Variants in KIF1B observed in about 807,000 individuals in gnomAD.
KIF1B encodes kinesin family member 1B, also known as kinesin-like protein KIF1B.
A neutral mutation model predicts 241.9 loss-of-function variants in KIF1B; 76 were observed. The ratio of observed to expected loss-of-function variants is 0.31; its 90% confidence interval spans 0.26 to 0.38. The LOEUF (loss-of-function observed/expected upper bound fraction) is 0.38. Among genes scored for constraint, KIF1B ranks in the 10% least tolerant of loss-of-function variants. KIF1B has a pLI of 1.00. For missense variants in KIF1B, 1,622 were observed against 2,271.4 expected, an observed-to-expected ratio of 0.71 and a Z score of 5.81; for synonymous variants, 750 against 796.7, an observed-to-expected ratio of 0.94 and a Z score of 0.99.
intron 48 of KIF1B, among the ~76,000 whole-genome samples, chr1:10,375,879 C>G (rs1638873803): frequency 6.8e-6 from 1 of 148,142 alleles, no homozygotes; most frequent in Non-Finnish European, 1.5e-5. Context: ...TCACCGCAAC[C>G]TCCACCTCCC....
At chr1:10,276,170 T>A in intron 11 of KIF1B, 151 bp from the exon 12 acceptor site, 1 of 655,692 alleles carries the variant, frequency 1.5e-6, no homozygotes, top group Non-Finnish European at 2.7e-6. Context: ...GGTGAAAGAG[T>A]GAGACTCCCT....
Position 10,321,840 on chromosome 1 carries a change from G to A in KIF1B, c.2341G>A (p.Val781Met), listed in dbSNP as rs1396889733. The A allele has an allele frequency of 1.2e-6, 2 of 1,614,042 alleles. No homozygotes were observed. The highest frequency in any genetic ancestry group is 1.3e-5 in the African/African-American group (1 of 74,920). ...CCTAAAGGAGGCCAATGCCATCAGTGTGGAACTGAAAAAGAAGGTATGGAG... is the reference window on the plus strand; with the variant it reads ...CCTAAAGGAGGCCAATGCCATCAGTATGGAACTGAAAAAGAAGGTATGGAG... The part of the protein sequence containing the change: ...VYLKEANAIS[V>M]ELKKKVQFQF... The change falls in exon 24 of 49, where the codon GTG becomes ATG. Residue 781 changes from valine (V) to methionine (M), a missense_variant. Transcript: ENST00000676179.
chr1:10,289,779 G>C (rs1649896492), intron 15 of KIF1B, among the ~76,000 whole-genome samples: 1 of 152,146 alleles, frequency 6.6e-6, no homozygotes, highest in Admixed American at 6.5e-5. Context: ...AGCTACTCAG[G>C]AGGCTGGGAC....
At chr1:10,248,343 G>A (rs1009897659) in intron 2 of KIF1B, among the ~76,000 whole-genome samples, 1 of 151,998 alleles carries the variant, frequency 6.6e-6, no homozygotes, top group Non-Finnish European at 1.5e-5. Flanking sequence ...GGGACTACAG[G>A]CGCACGCTAC....
intron 33 of KIF1B, among the ~76,000 whole-genome samples, chr1:10,342,833 T>C (rs997721822): frequency 2.0e-5 from 3 of 152,228 alleles, no homozygotes; most frequent in Non-Finnish European, 4.4e-5. Flanking sequence ...AAAGTTTTTT[T>C]TCTTTTAAAT....
At position 10,259,492 on chromosome 1, in the gene KIF1B, A is replaced by T. The variant is rs941347736; in HGVS notation, c.363+820A>T. 8.3e-4 allele frequency among the ~76,000 whole-genome samples: 69 copies of T among 82,828 alleles called. 2 individuals carry two copies. The highest frequency in any genetic ancestry group is 6.4e-3 in the East Asian group (19 of 2,980). The allele number at this position is 82,828 out of a possible 152,430, so 54.3% of individuals were successfully genotyped here. On this transcript the variant is annotated intron_variant, in intron 4 of 48. Coordinates refer to ENST00000676179, the MANE Select transcript of KIF1B (RefSeq NM_001365951.3). Reference sequence around the variant, plus strand: ...ACCACACCTAGCTCATTTTTAAATTAAAAAAAAAAAAAATTTTTTTTTTTT... The same window carrying T: ...ACCACACCTAGCTCATTTTTAAATTTAAAAAAAAAAAAATTTTTTTTTTTT...
chr1:10,354,335 T>C (rs1469324591), intron 38 of KIF1B, among the ~76,000 whole-genome samples: 3 of 152,252 alleles, frequency 2.0e-5, no homozygotes, highest in African/African-American at 7.2e-5. Context: ...GGAGTTCTGA[T>C]TGTCTTTCTT....
chr1:10,303,127 AT>A lies in KIF1B; in HGVS notation c.2115+5885del, dbSNP rs1157049475. ...CCTTTTTTACATTTTAATTTTGGTT[AT>A]TTTGGGGCCATTTTTTGATTTTGTT... On this transcript the variant is annotated intron_variant, in intron 22 of 48. Transcript: ENST00000676179. The surrounding 1 kb of genome is among the most constrained non-coding windows in gnomAD (Gnocchi z 5.2). The A allele has an allele frequency of 6.3e-7, 1 of 1,592,332 alleles. No individual in the cohort carries two copies.
intron 31 of KIF1B, among the ~76,000 whole-genome samples, chr1:10,338,782 C>T (rs1213081930): frequency 6.6e-6 from 1 of 152,224 alleles, no homozygotes; most frequent in East Asian, 1.9e-4. Context: ...GGCTGCAGAG[C>T]ACTGTGAATG....
intron 22 of KIF1B, among the ~76,000 whole-genome samples, chr1:10,313,532 T>G (rs1325960126): frequency 1.3e-5 from 2 of 150,732 alleles, no homozygotes; most frequent in African/African-American, 5.0e-5. Context: ...ATGGGGCATA[T>G]TTTGAACTAG....
intron 32 of KIF1B, among the ~76,000 whole-genome samples, chr1:10,340,065 G>A (rs981222682): frequency 6.6e-6 from 1 of 152,162 alleles, no homozygotes; most frequent in African/African-American, 2.4e-5. Flanking sequence ...CCTAGTGAAT[G>A]TGGGTTCGTC....
chr1:10,286,907 C>T (rs74914120), intron 15 of KIF1B, among the ~76,000 whole-genome samples: 2,853 of 151,970 alleles, frequency 0.019, 40 homozygotes, highest in Non-Finnish European at 0.028. Flanking sequence ...CATTTCTGAA[C>T]CATGAATCCA....
intron 27 of KIF1B, among the ~76,000 whole-genome samples, chr1:10,331,167 A>G (rs1258427685): frequency 6.6e-6 from 1 of 152,038 alleles, no homozygotes; most frequent in Non-Finnish European, 1.5e-5. Context: ...GGCAGGGGAC[A>G]TGTGCGATGG....
Position 10,381,514 on chromosome 1 carries a change from G to C in KIF1B, c.*4927G>C. On this transcript the variant is annotated 3_prime_UTR_variant, in exon 49 of 49. Transcript: ENST00000676179. ...TGTATAGCCTTAGATGTGCAATGCA[G>C]ACACTATCTAACTGTGTGTGGTAAC... is the stretch of plus-strand genomic sequence containing the variant. 4.9e-6 allele frequency: 1 copy of C among 202,156 alleles called. No homozygotes were observed. The highest frequency in any genetic ancestry group is 6.0e-5 in the Admixed American group (1 of 16,678). 12.5% of individuals were successfully genotyped at this position (202,156 alleles called of 1,614,324 possible). A position where few individuals can be genotyped will look rare whatever the true frequency, so the allele number is the denominator to read the frequency against.
intron 45 of KIF1B, among the ~76,000 whole-genome samples, chr1:10,373,529 C>G (rs1011690787): frequency 2.6e-5 from 4 of 151,532 alleles, no homozygotes; most frequent in Non-Finnish European, 5.9e-5. Flanking sequence ...GCCACTGCAC[C>G]TGGCTAACTT....
At chr1:10,220,566 A>G (rs1467754675) in intron 1 of KIF1B, among the ~76,000 whole-genome samples, 1 of 152,160 alleles carries the variant, frequency 6.6e-6, no homozygotes, top group Non-Finnish European at 1.5e-5. Flanking sequence ...GCTACTCCTG[A>G]GGCTGAGGTA....
intron 27 of KIF1B, among the ~76,000 whole-genome samples, chr1:10,329,423 T>C (rs901085067): frequency 2.0e-5 from 3 of 152,206 alleles, no homozygotes; most frequent in African/African-American, 7.2e-5. Flanking sequence ...TAATTGCCAA[T>C]ATAAATCACT....
chr1:10,258,707 A>G, intron 4 of KIF1B, 35 bp downstream of exon 4: 3 of 1,600,454 alleles, frequency 1.9e-6, no homozygotes, highest in Non-Finnish European at 1.7e-6. Flanking sequence ...TCTTCTCTTC[A>G]TTATTAGTGT....
intron 22 of KIF1B, chr1:10,307,069 C>T: frequency 9.6e-7 from 1 of 1,038,620 alleles, no homozygotes; most frequent in Non-Finnish European, 1.2e-6. Context: ...TCCCAGGTGT[C>T]CTCATGTTGC....
Sources: gnomAD v4.1 joint callset for allele counts (sites outside exome capture counted in the v4.1 genomes callset) on GRCh38, gnomAD v4.1.1 for gene constraint, Gnocchi (gnomAD v3.1) non-coding constraint, MANE v1.5 for transcripts, NCBI Gene and HGNC (gene_info 2026-07-23, HGNC 2026-07-21) for gene names.